The following MED26 variants were observed in gnomAD, a reference collection of about 807,000 sequenced individuals.
The protein encoded by MED26 is mediator complex subunit 26.
MED26 carries 7 observed loss-of-function variants against 43.7 expected under a neutral mutation model. That is an observed-to-expected ratio of 0.16 (90% CI 0.09 to 0.30). The LOEUF (loss-of-function observed/expected upper bound fraction) is 0.30, where lower values mean the gene tolerates loss of function less well. Among genes scored for constraint, MED26 ranks in the 10% least tolerant of loss-of-function variants. The probability of loss-of-function intolerance (pLI) is 1.00; values close to 1 mark genes in which losing one functional copy is unlikely to be tolerated. For synonymous variants in MED26, 375 were observed against 371.1 expected, an observed-to-expected ratio of 1.01 and a Z score of -0.12; for missense variants, 784 against 840.6, an observed-to-expected ratio of 0.93 and a Z score of 0.83.
chr19:16,580,937 C>T lies in MED26; in HGVS notation c.73-2528G>A, dbSNP rs915359326. ...CTCCAGGCTGTTCCCTTAGTCACAT[C>T]TGTCATGTACGGTACCATGTGCCCA... is the stretch of plus-strand genomic sequence containing the variant. On this transcript the variant is annotated intron_variant, in intron 1 of 2. Transcript: ENST00000263390. Among the ~76,000 whole-genome samples, 21 of 152,206 alleles carry T rather than the reference C, an allele frequency of 1.4e-4. 1 individual carries two copies. The highest frequency in any genetic ancestry group is 4.8e-4 in the African/African-American group (20 of 41,446).
intron 1 of MED26, among the ~76,000 whole-genome samples, chr19:16,622,552 C>T (rs555517666): frequency 3.4e-4 from 52 of 152,324 alleles, no homozygotes; most frequent in Non-Finnish European, 5.0e-4. Context: ...CAAATCCACA[C>T]CCTGCTCTAA....
At chr19:16,622,036 T>C (rs2086254200) in intron 1 of MED26, among the ~76,000 whole-genome samples, 1 of 152,206 alleles carries the variant, frequency 6.6e-6, no homozygotes, top group Admixed American at 6.5e-5. Context: ...TTGCCGACTG[T>C]TCCTTCCAGC....
At chr19:16,617,048 C>T (rs1016137008) in intron 1 of MED26, among the ~76,000 whole-genome samples, 6 of 152,134 alleles carry the variant, frequency 3.9e-5, no homozygotes, top group South Asian at 2.1e-4. Context: ...GCCCACCACC[C>T]GACCAGATAG....
rs1294793860 is a variant in MED26 at position 16,628,150 on chromosome 19, G to C, written c.-207C>G. The C allele has an allele frequency of 1.1e-5, 4 of 363,932 alleles. No homozygotes were observed. The highest frequency in any genetic ancestry group is 1.9e-5 in the Non-Finnish European group (4 of 206,096). The allele number at this position is 363,932 out of a possible 1,614,324, so 22.5% of individuals were successfully genotyped here. A position where few individuals can be genotyped will look rare whatever the true frequency, so the allele number is the denominator to read the frequency against. ...GCCGCCGCCACCAAAGGAGGAGGAG[G>C]AGCCGCCGGAGCCGCCGCCGCTCGC... On this transcript the variant is annotated 5_prime_UTR_variant, in exon 1 of 3. Transcript: ENST00000263390.
chr19:16,608,347 T>G (rs1463378007), intron 1 of MED26, among the ~76,000 whole-genome samples: 1 of 152,228 alleles, frequency 6.6e-6, no homozygotes, highest in Non-Finnish European at 1.5e-5. Flanking sequence ...TTCCTACTTA[T>G]TTTACCAAAC....
At chr19:16,599,234 A>G (rs2086137057) in intron 1 of MED26, among the ~76,000 whole-genome samples, 1 of 152,146 alleles carries the variant, frequency 6.6e-6, no homozygotes, top group Admixed American at 6.5e-5. Context: ...TTTCCCTAGT[A>G]CCCATGAAAA....
intron 1 of MED26, among the ~76,000 whole-genome samples, chr19:16,615,739 C>T (rs1476855919): frequency 6.6e-6 from 1 of 150,854 alleles, no homozygotes; most frequent in African/African-American, 2.4e-5. Context: ...GAGCAAGACT[C>T]CATCTCTGGG....
Position 16,586,247 on chromosome 19 carries a change from C to T in MED26, c.73-7838G>A, listed in dbSNP as rs925208393. On this transcript the variant is annotated intron_variant, in intron 1 of 2. Coordinates refer to ENST00000263390, the MANE Select transcript of MED26 (RefSeq NM_004831.5). The surrounding 1 kb of genome is among the most constrained non-coding windows in gnomAD (Gnocchi z 5.1). ...GTTGCCCTTGTGCCAAGTTCTTTCA[C>T]GTCATCCTCACAAGCGCACTCTACA... 2.6e-5 allele frequency among the ~76,000 whole-genome samples: 4 copies of T among 152,250 alleles called. No homozygotes were observed. The highest frequency in any genetic ancestry group is 4.8e-5 in the African/African-American group (2 of 41,464).
intron 1 of MED26, among the ~76,000 whole-genome samples, chr19:16,602,559 T>G (rs2122423425): frequency 6.6e-6 from 1 of 152,318 alleles, no homozygotes; most frequent in South Asian, 2.1e-4. Context: ...CACAGCAGCA[T>G]TATTTGCCAT....
chr19:16,588,951 G>C (rs894660842), intron 1 of MED26: 1 of 152,400 alleles, frequency 6.6e-6, no homozygotes. Context: ...GCTGGATGCT[G>C]GGAGGGGGCG....
Position 16,577,899 on chromosome 19 carries a change from G to T in MED26, c.148-217C>A. On this transcript the variant is annotated intron_variant, in intron 2 of 2. Coordinates refer to ENST00000263390, the MANE Select transcript of MED26 (RefSeq NM_004831.5). The surrounding 1 kb of genome is among the most constrained non-coding windows in gnomAD (Gnocchi z 8.1). ...TTCCCAGACCTTCAGGGTCCCAGGT[G>T]GCTTCTCAGCAGTGCTGTCACCCAG... is the stretch of plus-strand genomic sequence containing the variant. The T allele has an allele frequency of 2.0e-6, 1 of 509,138 alleles. No individual in the cohort carries two copies. Among genetic ancestry groups the T allele is most frequent in the Non-Finnish European group, 3.4e-6 (1 of 290,116 alleles). The allele number at this position is 509,138 out of a possible 1,614,324, so 31.5% of individuals were successfully genotyped here.
At chr19:16,595,888 G>C (rs572934755) in intron 1 of MED26, among the ~76,000 whole-genome samples, 9 of 152,262 alleles carry the variant, frequency 5.9e-5, no homozygotes, top group Admixed American at 2.6e-4. Context: ...ACCAGTACTG[G>C]AATGAACATC....
At chr19:16,624,583 C>T (rs74835640) in intron 1 of MED26, 1 of 152,382 alleles carries the variant, frequency 6.6e-6, no homozygotes, top group African/African-American at 2.4e-5. Flanking sequence ...AGTACACCGT[C>T]TACTATTCGT....
At position 16,619,845 on chromosome 19, in the gene MED26, C is replaced by T. The variant is rs1278962956; in HGVS notation, c.72+8027G>A. ...GGCTGACCCACCACCAGGGTGTGGC[C>T]TGGACAAAGCAGCACCCTACTTTCT... On this transcript the variant is annotated intron_variant, in intron 1 of 2. Transcript: ENST00000263390. Among the ~76,000 whole-genome samples, 5 of 152,204 alleles carry T rather than the reference C, an allele frequency of 3.3e-5. No homozygotes were observed. In the South Asian group the frequency reaches 6.2e-4, roughly 19 times the overall value.
chr19:16,584,300 CCCCG>C (rs543217210), intron 1 of MED26, among the ~76,000 whole-genome samples: 7 of 141,538 alleles, frequency 4.9e-5, no homozygotes, highest in Admixed American at 6.9e-5. Flanking sequence ...CACTGCCCCC[CCCCG>C]CCCCGCCAAA....
chr19:16,598,311 T>A (rs1292886596), intron 1 of MED26, among the ~76,000 whole-genome samples: 2 of 116,920 alleles, frequency 1.7e-5, no homozygotes, highest in Non-Finnish European at 3.3e-5. Context: ...CACTCCAGCC[T>A]GGGCGACAGA....
At position 16,587,078 on chromosome 19, in the gene MED26, A is replaced by C. The variant is rs940139769; in HGVS notation, c.73-8669T>G. On this transcript the variant is annotated intron_variant, in intron 1 of 2. Coordinates refer to ENST00000263390, the MANE Select transcript of MED26 (RefSeq NM_004831.5). This position sits in a 1 kb window ranked among gnomAD's most constrained non-coding sequence, Gnocchi z 4.9. ...ACAGTCTGCCTTCAATGTGCTAAGC[A>C]TTCTAATGCCGTCCGCGGCTGAGTC... 2.6e-5 allele frequency: 4 copies of C among 152,140 alleles called. No individual in the cohort carries two copies. The highest frequency in any genetic ancestry group is 9.7e-5 in the African/African-American group (4 of 41,414). The allele number at this position is 152,140 out of a possible 1,614,324, so 9.4% of individuals were successfully genotyped here.
intron 1 of MED26, among the ~76,000 whole-genome samples, chr19:16,597,048 T>C (rs965786723): frequency 6.6e-6 from 1 of 152,204 alleles, no homozygotes; most frequent in Non-Finnish European, 1.5e-5. Context: ...AGGGGAACAG[T>C]GCCCCCAGGT....
chr19:16,582,376 G>A (rs1241313479), intron 1 of MED26, among the ~76,000 whole-genome samples: 2 of 152,174 alleles, frequency 1.3e-5, no homozygotes, highest in South Asian at 2.1e-4. Context: ...GCCTGGCCCC[G>A]ACCCCAGGCA....
Sources: gnomAD v4.1 joint callset for allele counts (sites outside exome capture counted in the v4.1 genomes callset) on GRCh38, gnomAD v4.1.1 for gene constraint, Gnocchi (gnomAD v3.1) non-coding constraint, MANE v1.5 for transcripts, NCBI Gene and HGNC (gene_info 2026-07-23, HGNC 2026-07-21) for gene names.